Variants in SGTB observed in about 807,000 individuals in gnomAD.
SGTB encodes small glutamine rich tetratricopeptide repeat co-chaperone beta.
SGTB carries 19 observed loss-of-function variants against 43.9 expected under a neutral mutation model. The observed-to-expected ratio is 0.43, with a 90% CI of 0.30 to 0.63. SGTB has a LOEUF of 0.63. SGTB is among the 30% of genes least tolerant of loss of function. The pLI is 0.12. For missense variants in SGTB, 304 were observed against 358.9 expected (o/e 0.85, Z 1.24); for synonymous variants, 116 against 117.3 (o/e 0.99, Z 0.07).
At chr5:65,690,244 C>T (rs900845205) in intron 5 of SGTB, among the ~76,000 whole-genome samples, 1 of 152,082 alleles carries the variant, frequency 6.6e-6, no homozygotes, top group Admixed American at 6.6e-5. Flanking sequence ...TTTGAGAACA[C>T]CTTGGGCAAC....
At chr5:65,719,469 T>C (rs1758212473) in intron 2 of SGTB, among the ~76,000 whole-genome samples, 1 of 152,048 alleles carries the variant, frequency 6.6e-6, no homozygotes, top group Non-Finnish European at 1.5e-5. Context: ...AGTGTACTCC[T>C]GTAGTCCCAG....
chr5:65,671,644 C>T (rs1433937395), intron 10 of SGTB, among the ~76,000 whole-genome samples: 20 of 112,316 alleles, frequency 1.8e-4, no homozygotes, highest in African/African-American at 4.9e-4. Flanking sequence ...GAACCGGGGG[C>T]GGGGGTGGGG....
At chr5:65,716,031 A>T (rs1303226128) in intron 2 of SGTB, among the ~76,000 whole-genome samples, 1 of 152,178 alleles carries the variant, frequency 6.6e-6, no homozygotes, top group Non-Finnish European at 1.5e-5. Context: ...CGGCCTCCCG[A>T]AGTACTGGGA....
chr5:65,693,208 G>A (rs893543138), intron 5 of SGTB, among the ~76,000 whole-genome samples: 3 of 151,406 alleles, frequency 2.0e-5, no homozygotes, highest in African/African-American at 7.3e-5. Context: ...GGACGGGAAG[G>A]GAAGGGAAGG....
intron 5 of SGTB, among the ~76,000 whole-genome samples, chr5:65,701,626 T>G (rs1757822718): frequency 6.9e-6 from 1 of 144,706 alleles, no homozygotes; most frequent in South Asian, 2.1e-4. Flanking sequence ...GCTATTTAAA[T>G]TAAATTTTTT....
In SGTB at chr5:65,713,146, G is replaced by A. The variant is rs1758074942; in HGVS notation, c.101-82C>T. 5 of 943,068 alleles carry A rather than the reference G, an allele frequency of 5.3e-6. No individual in the cohort carries two copies. The East Asian group carries it at 1.3e-4, about 25-fold the overall frequency. The allele number at this position is 943,068 out of a possible 1,614,324, so 58.4% of individuals were successfully genotyped here. On this transcript the variant is annotated intron_variant, in intron 2 of 10. Coordinates refer to ENST00000381007, the MANE Select transcript of SGTB (RefSeq NM_019072.3). ...TTTTTTTTTCTGATAGAACTGCAAT[G>A]TATGGAAATTCAGTATTTATGATCA...
intron 2 of SGTB, among the ~76,000 whole-genome samples, chr5:65,718,318 A>G (rs1758189290): frequency 6.6e-6 from 1 of 152,196 alleles, no homozygotes; most frequent in African/African-American, 2.4e-5. Flanking sequence ...GACAATCAGA[A>G]TGTATCCAGA....
At chr5:65,674,946 T>C (rs761892747) in intron 8 of SGTB, among the ~76,000 whole-genome samples, 2 of 152,244 alleles carry the variant, frequency 1.3e-5, no homozygotes, top group Non-Finnish European at 2.9e-5. Flanking sequence ...TCACTGGGAA[T>C]GAGTCATCTG....
chr5:65,721,740 G>A (rs1003450842), intron 1 of SGTB, among the ~76,000 whole-genome samples, 177 bp downstream of exon 1: 4 of 152,218 alleles, frequency 2.6e-5, no homozygotes, highest in Admixed American at 2.6e-4. Context: ...GGGGTGAGAA[G>A]AGGGAAATAG....
intron 5 of SGTB, among the ~76,000 whole-genome samples, chr5:65,692,122 G>A (rs1332703952): frequency 6.6e-6 from 1 of 152,022 alleles, no homozygotes; most frequent in Non-Finnish European, 1.5e-5. Context: ...AAAAGCTTCA[G>A]TGAGGAAGAG....
At chr5:65,702,417 A>C (rs1757843195) in intron 5 of SGTB, among the ~76,000 whole-genome samples, 1 of 152,224 alleles carries the variant, frequency 6.6e-6, no homozygotes, top group South Asian at 2.1e-4. Context: ...CTACCCTTCA[A>C]ATCTCCTGCC....
Position 65,685,380 on chromosome 5 carries a change from T to C in SGTB, c.467A>G (p.Tyr156Cys). The change falls in exon 6 of 11, where the codon TAT (tyrosine) becomes TGT (cysteine). Residue 156 changes from tyrosine to cysteine, a missense_variant. Coordinates refer to ENST00000381007, the MANE Select transcript of SGTB (RefSeq NM_019072.3). Reference sequence around the variant, plus strand: ...TCCCAGAACTTACCCCATTCTCCCATAGGCCTTGCTGTACTTTGAATCAAT... The same window carrying C: ...TCCCAGAACTTACCCCATTCTCCCACAGGCCTTGCTGTACTTTGAATCAAT... ...IAIDSKYSKA[Y>C]GRMGLALTAL... 3 of 1,614,138 alleles carry C rather than the reference T, an allele frequency of 1.9e-6. No individual in the cohort carries two copies. The highest frequency in any genetic ancestry group is 2.5e-6 in the Non-Finnish European group (3 of 1,179,984).
intron 5 of SGTB, among the ~76,000 whole-genome samples, chr5:65,698,511 T>G (rs1014888736): frequency 6.6e-6 from 1 of 152,120 alleles, no homozygotes; most frequent in Admixed American, 6.6e-5. Flanking sequence ...CCACAGAGTC[T>G]GGAACCATCA....
rs200546839 is a variant in SGTB at position 65,704,368 on chromosome 5, G to T, written c.285C>A (p.His95Gln). Reference sequence around the variant, plus strand: ...CAGCAGCATAATTTTCTTCTTTCATGTGGTTATTGCCTAAAATAAAGTAAC... The same window carrying T: ...CAGCAGCATAATTTTCTTCTTTCATTTGGTTATTGCCTAAAATAAAGTAAC... ...ADQLKDEGNN[H>Q]MKEENYAAAV... Residue 95 changes from histidine to glutamine, a missense_variant, in exon 5 of 11, where the codon CAC (histidine) becomes CAA (glutamine). Coordinates refer to ENST00000381007, the MANE Select transcript of SGTB (RefSeq NM_019072.3). 6.6e-5 allele frequency: 107 copies of T among 1,610,900 alleles called. No individual in the cohort carries two copies. Among genetic ancestry groups the T allele is most frequent in the Non-Finnish European group, 8.1e-5 (96 of 1,178,514 alleles).
chr5:65,719,390 G>A (rs1473614889), intron 2 of SGTB, among the ~76,000 whole-genome samples: 5 of 152,078 alleles, frequency 3.3e-5, no homozygotes, highest in African/African-American at 1.2e-4. Context: ...AGGAGTTTGA[G>A]AACAGCCTGG....
intron 5 of SGTB, among the ~76,000 whole-genome samples, chr5:65,695,880 AT>A (rs1364760179): frequency 6.6e-6 from 1 of 152,164 alleles, no homozygotes. Context: ...TAATATCCTT[AT>A]TTTACAAGTG....
Position 65,668,729 on chromosome 5 carries a change from G to A in SGTB, c.*1517C>T, listed in dbSNP as rs1361424991. On this transcript the variant is annotated 3_prime_UTR_variant, in exon 11 of 11. Transcript: ENST00000381007. ...GCACTCCAGCCTGGCGACAGAGAGAGACTCCATCTCAAGAAAAAAAAAAAA... is the reference window on the plus strand; with the variant it reads ...GCACTCCAGCCTGGCGACAGAGAGAAACTCCATCTCAAGAAAAAAAAAAAA... 1 of 129,382 alleles carries A rather than the reference G, an allele frequency of 7.7e-6. No homozygotes were observed. Among genetic ancestry groups the A allele is most frequent in the African/African-American group, 2.9e-5 (1 of 34,794 alleles). The allele number at this position is 129,382 out of a possible 1,614,324, so 8.0% of individuals were successfully genotyped here. A position where few individuals can be genotyped will look rare whatever the true frequency, so the allele number is the denominator to read the frequency against.
intron 3 of SGTB, among the ~76,000 whole-genome samples, chr5:65,709,386 T>G (rs1758001757): frequency 6.6e-6 from 1 of 151,848 alleles, no homozygotes; most frequent in Admixed American, 6.6e-5. Flanking sequence ...TGTCCAGTTT[T>G]TTTTTTTTTT....
At chr5:65,690,324 A>C (rs1175724969) in intron 5 of SGTB, among the ~76,000 whole-genome samples, 8 of 152,010 alleles carry the variant, frequency 5.3e-5, no homozygotes, top group Non-Finnish European at 1.2e-4. Context: ...CTGTAGTTTC[A>C]GCTACTCGGG....
Sources: allele counts gnomAD v4.1 joint callset (sites outside exome capture counted in the v4.1 genomes callset), GRCh38; gene constraint gnomAD v4.1.1; transcripts MANE v1.5; gene names NCBI Gene and HGNC (gene_info 2026-07-23, HGNC 2026-07-21).